The following MAMDC2 variants were observed in gnomAD, a reference collection of about 807,000 sequenced individuals.
MAMDC2 encodes the protein MAM domain containing 2, also known as MAM domain-containing protein 2.
In MAMDC2, 57 loss-of-function variants were observed where a neutral mutation model predicts 89.8. The ratio of observed to expected loss-of-function variants is 0.63; its 90% CI spans 0.51 to 0.79. MAMDC2 has a LOEUF of 0.79. Among genes scored for constraint, MAMDC2 ranks in the 30% least tolerant of loss-of-function variants. The pLI, the probability that MAMDC2 is intolerant of heterozygous loss-of-function variation, is 0.00. For missense variants in MAMDC2, 800 were observed against 820.6 expected (o/e 0.97, Z 0.31); for synonymous variants, 313 against 293.4 (o/e 1.07, Z -0.68).
rs143585371 is a variant in MAMDC2 at position 70,172,280 on chromosome 9, T to G, written c.1651+1649T>G. 3.9e-3 allele frequency among the ~76,000 whole-genome samples: 597 copies of G among 152,334 alleles called. 3 individuals carry two copies. The highest frequency in any genetic ancestry group is 0.013 in the African/African-American group (552 of 41,566). ...GAAGGATAAAGGAAGAAACAGTCTA[T>G]TTTTTCATTTTCTTTGTTTTACCTC... is the stretch of plus-strand genomic sequence containing the variant. On this transcript the variant is annotated intron_variant, in intron 11 of 13. Transcript: ENST00000377182.
chr9:70,133,521 C>T (rs1044841672), intron 7 of MAMDC2, among the ~76,000 whole-genome samples: 2 of 152,228 alleles, frequency 1.3e-5, no homozygotes, highest in East Asian at 3.8e-4. Context: ...AGTCTCCATA[C>T]TGATCTTCAG....
chr9:70,219,270 T>A (rs188175446), intron 12 of MAMDC2, among the ~76,000 whole-genome samples: 1 of 152,212 alleles, frequency 6.6e-6, no homozygotes, highest in African/African-American at 2.4e-5. Context: ...TGCCTTCTGA[T>A]AGCCACAGAT....
intron 2 of MAMDC2, among the ~76,000 whole-genome samples, chr9:70,060,916 C>T (rs534529411): frequency 6.6e-6 from 1 of 152,352 alleles, no homozygotes; most frequent in South Asian, 2.1e-4. Flanking sequence ...AAAACACTCT[C>T]TCTCATCATC....
At chr9:70,114,248 T>C (rs565486156) in intron 5 of MAMDC2, among the ~76,000 whole-genome samples, 2 of 146,932 alleles carry the variant, frequency 1.4e-5, no homozygotes, top group East Asian at 4.0e-4. Context: ...TATAAGCAAA[T>C]GACATGTGGG....
intron 2 of MAMDC2, chr9:70,085,744 G>GT (rs1003191938): frequency 3.3e-5 from 5 of 152,000 alleles, no homozygotes; most frequent in African/African-American, 1.2e-4. Context: ...TCTGGTTTTT[G>GT]TGTATCTATG....
chr9:70,204,430 C>T (rs1353890215), intron 11 of MAMDC2, among the ~76,000 whole-genome samples: 19 of 151,170 alleles, frequency 1.3e-4, no homozygotes, highest in Non-Finnish European at 1.9e-4. Context: ...TCTCCAGCTG[C>T]GTGCTGGGAG....
intron 5 of MAMDC2, among the ~76,000 whole-genome samples, chr9:70,118,758 T>C (rs982629097): frequency 3.3e-5 from 5 of 152,240 alleles, no homozygotes; most frequent in African/African-American, 1.2e-4. Context: ...AAGCTCATTG[T>C]CTACTTAGGA....
At chr9:70,114,570 A>G (rs1036358126) in intron 5 of MAMDC2, among the ~76,000 whole-genome samples, 4 of 152,176 alleles carry the variant, frequency 2.6e-5, no homozygotes, top group African/African-American at 9.7e-5. Flanking sequence ...TTCTTAGAAT[A>G]AGCTCTTTAT....
chr9:70,064,946 C>G (rs73650518), intron 2 of MAMDC2, among the ~76,000 whole-genome samples: 6,804 of 152,174 alleles, frequency 0.045, 450 homozygotes, highest in African/African-American at 0.15. Flanking sequence ...CAAGAATATG[C>G]CAAGCCATTG....
At chr9:70,090,518 T>C (rs1456241775) in intron 2 of MAMDC2, 2 of 150,430 alleles carry the variant, frequency 1.3e-5, no homozygotes, top group African/African-American at 4.9e-5. Context: ...ATTTAACTCA[T>C]AGTGAGAGAA....
At chr9:70,203,817 T>G (rs1196102798) in intron 11 of MAMDC2, among the ~76,000 whole-genome samples, 1 of 122,280 alleles carries the variant, frequency 8.2e-6, no homozygotes, top group African/African-American at 3.1e-5. Context: ...CATCTTCCAT[T>G]GCTGATACCC....
chr9:70,190,564 T>G (rs1035364463), intron 11 of MAMDC2, among the ~76,000 whole-genome samples: 1 of 151,960 alleles, frequency 6.6e-6, no homozygotes, highest in Admixed American at 6.6e-5. Flanking sequence ...CTCAGTTTTT[T>G]TTTTTTTTTC....
intron 2 of MAMDC2, among the ~76,000 whole-genome samples, chr9:70,049,249 C>T (rs1442412677): frequency 2.6e-5 from 4 of 152,114 alleles, no homozygotes; most frequent in Admixed American, 6.5e-5. Flanking sequence ...CCCGAAATCA[C>T]GTGTAAATAC....
chr9:70,147,274 A>C (rs1291721155), intron 9 of MAMDC2, among the ~76,000 whole-genome samples: 1 of 149,962 alleles, frequency 6.7e-6, no homozygotes, highest in Non-Finnish European at 1.5e-5. Context: ...TAAATAAATA[A>C]ATACATAAAT....
At chr9:70,192,380 C>T (rs1423286640) in intron 11 of MAMDC2, among the ~76,000 whole-genome samples, 1 of 152,004 alleles carries the variant, frequency 6.6e-6, no homozygotes, top group African/African-American at 2.4e-5. Flanking sequence ...CTTTCTTCTG[C>T]ACTGCAAGCC....
At chr9:70,217,604 C>G in intron 11 of MAMDC2, 3 of 1,610,288 alleles carry the variant, frequency 1.9e-6, no homozygotes, top group Non-Finnish European at 1.7e-6. Context: ...ACAAAGGCAG[C>G]ACCTAAGCAA....
intron 11 of MAMDC2, among the ~76,000 whole-genome samples, chr9:70,190,034 T>C (rs1040794419): frequency 6.6e-6 from 1 of 152,174 alleles, no homozygotes; most frequent in African/African-American, 2.4e-5. Context: ...TCTTTAAACA[T>C]ATTTGTAATA....
chr9:70,177,836 A>G (rs2032544428), intron 11 of MAMDC2, among the ~76,000 whole-genome samples: 1 of 152,210 alleles, frequency 6.6e-6, no homozygotes, highest in Non-Finnish European at 1.5e-5. Flanking sequence ...GTGACAACTT[A>G]TATGTGAAAA....
At chr9:70,218,911 C>G (rs1238714995) in intron 12 of MAMDC2, among the ~76,000 whole-genome samples, 1 of 152,194 alleles carries the variant, frequency 6.6e-6, no homozygotes, top group African/African-American at 2.4e-5. Context: ...AAAACGAAGT[C>G]TTTTCTTCTA....
Sources: gnomAD v4.1 joint callset for allele counts (sites outside exome capture counted in the v4.1 genomes callset) on GRCh38, gnomAD v4.1.1 for gene constraint, MANE v1.5 for transcripts, NCBI Gene and HGNC (gene_info 2026-07-23, HGNC 2026-07-21) for gene names.